TANGO2: variants seen among roughly 807,000 people sequenced by gnomAD.
TANGO2 encodes the protein transport and Golgi organization protein 2 homolog.
In TANGO2, 26 loss-of-function variants were observed where a neutral mutation model predicts 39.1. That is an observed-to-expected ratio of 0.67 (90% confidence interval 0.49 to 0.92). The LOEUF is 0.92. Ranked by LOEUF, TANGO2 falls within the 40% of genes least tolerant of loss-of-function variation. The pLI, the probability that TANGO2 is intolerant of heterozygous loss-of-function variation, is 0.00. For missense variants in TANGO2, 326 were observed against 360.1 expected (o/e 0.91, Z 0.77); for synonymous variants, 131 against 144.5 (o/e 0.91, Z 0.67).
intron 1 of TANGO2, among the ~76,000 whole-genome samples, chr22:20,028,027 G>C (rs1601846553): frequency 6.6e-6 from 1 of 152,112 alleles, no homozygotes; most frequent in African/African-American, 2.4e-5. Context: ...TTGAATTCCT[G>C]ACCTCAAATG....
chr22:20,026,860 A>G (rs533276753), intron 1 of TANGO2, among the ~76,000 whole-genome samples: 4 of 152,338 alleles, frequency 2.6e-5, no homozygotes, highest in African/African-American at 9.6e-5. Context: ...GGACTTGGCC[A>G]AGTCTGTTTA....
At chr22:20,022,126 C>T (rs776012414) in intron 1 of TANGO2, among the ~76,000 whole-genome samples, 2 of 152,240 alleles carry the variant, frequency 1.3e-5, no homozygotes, top group African/African-American at 2.4e-5. Flanking sequence ...CACGCTAGCT[C>T]ATTTGCCTCT....
chr22:20,058,863 A>AT (rs991275078), intron 6 of TANGO2, among the ~76,000 whole-genome samples: 1 of 152,170 alleles, frequency 6.6e-6, no homozygotes, highest in Non-Finnish European at 1.5e-5. Context: ...AAAGCCATAC[A>AT]TATTTATGAG....
intron 6 of TANGO2, among the ~76,000 whole-genome samples, chr22:20,058,916 T>A (rs1434365782): frequency 6.6e-6 from 1 of 152,166 alleles, no homozygotes; most frequent in African/African-American, 2.4e-5. Flanking sequence ...ACATGTAACA[T>A]ACATCCCATG....
At chr22:20,021,045 G>T, upstream of TANGO2, 1 of 151,852 alleles carries the variant, frequency 6.6e-6, no homozygotes, top group South Asian at 2.1e-4. Context: ...GCCCAATGGT[G>T]AACGCGCCGG....
intron 3 of TANGO2, among the ~76,000 whole-genome samples, chr22:20,049,842 G>A (rs2045957559): frequency 6.6e-6 from 1 of 152,164 alleles, no homozygotes; most frequent in African/African-American, 2.4e-5. Context: ...TATGGGTCAT[G>A]TGGGGAGAAG....
chr22:20,035,665 T>C (rs2042709016), intron 1 of TANGO2, among the ~76,000 whole-genome samples: 1 of 152,106 alleles, frequency 6.6e-6, no homozygotes, highest in African/African-American at 2.4e-5. Context: ...TCGGGTCCTG[T>C]GGGATGGCGA....
At chr22:20,034,492 A>T (rs751289421) in intron 1 of TANGO2, among the ~76,000 whole-genome samples, 44 of 152,348 alleles carry the variant, frequency 2.9e-4, no homozygotes, top group Non-Finnish European at 4.1e-4. Flanking sequence ...CTTCAGGCAC[A>T]GGGGCACTAC....
At chr22:20,053,033 C>CAGAG (rs1394051979) in intron 4 of TANGO2, among the ~76,000 whole-genome samples, 10 of 152,142 alleles carry the variant, frequency 6.6e-5, no homozygotes, top group Non-Finnish European at 1.5e-4. Flanking sequence ...CTGTTTACTC[C>CAGAG]TCTCAGGGCG....
chr22:20,017,626 C>T (rs903934784), upstream of TANGO2, among the ~76,000 whole-genome samples: 9 of 152,176 alleles, frequency 5.9e-5, no homozygotes, highest in East Asian at 3.9e-4. Flanking sequence ...CAGAGTTGTG[C>T]GTTTATGCCC....
upstream of TANGO2, chr22:20,017,195 A>G (rs956028318): frequency 1.3e-5 from 2 of 152,286 alleles, no homozygotes; most frequent in African/African-American, 4.8e-5. Flanking sequence ...GTTCACAGGT[A>G]TCCTTCTTCA....
At chr22:20,064,440 T>C (rs1433982462) in intron 8 of TANGO2, 102 bp from the exon 9 acceptor site, 5 of 1,461,882 alleles carry the variant, frequency 3.4e-6, no homozygotes, top group East Asian at 4.6e-5. Flanking sequence ...AGGCATGGGG[T>C]TCCTAACTCT....
intron 6 of TANGO2, among the ~76,000 whole-genome samples, chr22:20,058,879 C>A (rs1037594145): frequency 1.3e-5 from 2 of 152,008 alleles, no homozygotes; most frequent in Non-Finnish European, 2.9e-5. Context: ...ATGAGGGGAC[C>A]CGAGAACATA....
intron 3 of TANGO2, among the ~76,000 whole-genome samples, chr22:20,044,567 T>C (rs1403251657): frequency 2.0e-5 from 3 of 152,190 alleles, no homozygotes; most frequent in African/African-American, 7.2e-5. Context: ...AGCTCAGCTG[T>C]GGGGTTTTGT....
At position 20,048,620 on chromosome 22, in the gene TANGO2, T is replaced by C. The variant is rs1878135381; in HGVS notation, c.146-3845T>C. The stretch of plus-strand genomic sequence containing the variant: ...GAGTCCTTTGTGCCTACTCATTTCC[T>C]TAATGATAGCTTATGGTGAGCAGAA... On this transcript the variant is annotated intron_variant, in intron 3 of 8. Coordinates refer to ENST00000327374, the MANE Select transcript of TANGO2 (RefSeq NM_152906.7). Among the ~76,000 whole-genome samples the C allele has an allele frequency of 2.0e-5, 3 of 152,276 alleles. No individual in the cohort carries two copies. In the South Asian group the frequency reaches 6.2e-4, roughly 32 times the overall value.
chr22:20,034,570 G>A (rs752237105), intron 1 of TANGO2, among the ~76,000 whole-genome samples: 2 of 152,166 alleles, frequency 1.3e-5, no homozygotes, highest in African/African-American at 4.8e-5. Flanking sequence ...GGACCTGGAC[G>A]GCTGGCTGTG....
At chr22:20,035,059 G>T (rs945909939) in intron 1 of TANGO2, among the ~76,000 whole-genome samples, 3 of 152,224 alleles carry the variant, frequency 2.0e-5, no homozygotes, top group African/African-American at 7.2e-5. Flanking sequence ...CCCACTTCCA[G>T]CCCCACAGTC....
upstream of TANGO2, among the ~76,000 whole-genome samples, chr22:20,017,415 G>A (rs1011009183): frequency 1.3e-5 from 2 of 152,140 alleles, no homozygotes; most frequent in African/African-American, 4.8e-5. Context: ...TCCCCGCAGC[G>A]GGGAGACGAT....
intron 3 of TANGO2, among the ~76,000 whole-genome samples, chr22:20,050,883 A>T (rs183360173): frequency 1.5e-4 from 22 of 145,214 alleles, no homozygotes; most frequent in Middle Eastern, 3.5e-3. Context: ...CTGAGAGTGC[A>T]ATGGTGTGAT....
Sources: gnomAD v4.1 joint callset for allele counts (sites outside exome capture counted in the v4.1 genomes callset) on GRCh38, gnomAD v4.1.1 for gene constraint, MANE v1.5 for transcripts, NCBI Gene and HGNC (gene_info 2026-07-23, HGNC 2026-07-21) for gene names.